The following SUN1 variants were observed in gnomAD, a reference collection of about 807,000 sequenced individuals.
SUN1 encodes the protein SUN domain-containing protein 1.
In SUN1, 61 loss-of-function variants were observed where a neutral mutation model predicts 103.2. The ratio of observed to expected loss-of-function variants is 0.59; its 90% CI spans 0.48 to 0.73. The LOEUF (loss-of-function observed/expected upper bound fraction) is 0.73, where lower values mean the gene tolerates loss of function less well. Among genes scored for constraint, SUN1 ranks in the 30% least tolerant of loss-of-function variants. SUN1 has a pLI of 0.00. For missense variants in SUN1, 1,052 were observed against 1,034.6 expected (o/e 1.02, Z -0.23); for synonymous variants, 490 against 425.7 (o/e 1.15, Z -1.86).
intron 11 of SUN1, among the ~76,000 whole-genome samples, chr7:855,937 C>T (rs893070318): frequency 1.3e-5 from 2 of 152,212 alleles, no homozygotes; most frequent in African/African-American, 4.8e-5. Flanking sequence ...GCTGTGGAGA[C>T]CTCCATGGAG....
chr7:865,842 T>A, intron 15 of SUN1, 110 bp from the exon 16 acceptor site: 1 of 820,404 alleles, frequency 1.2e-6, no homozygotes, highest in South Asian at 1.6e-5. Flanking sequence ...ATATCAGTGA[T>A]GTCGAGCACT....
At chr7:826,106 C>T (rs189091996) in intron 1 of SUN1, among the ~76,000 whole-genome samples, 184 of 152,190 alleles carry the variant, frequency 1.2e-3, no homozygotes, top group Non-Finnish European at 1.6e-3. Context: ...GGTGCCGTGA[C>T]GCGCCCCTGT....
chr7:839,531 G>GTGAGCCACTGCT (rs1806997810), intron 2 of SUN1, among the ~76,000 whole-genome samples: 7 of 118,964 alleles, frequency 5.9e-5, no homozygotes, highest in African/African-American at 1.9e-4. Flanking sequence ...GATTACAGGC[G>GTGAGCCACTGCT]CCCGCCACCA....
At chr7:859,432 A>G (rs1830426677) in intron 13 of SUN1, among the ~76,000 whole-genome samples, 1 of 152,204 alleles carries the variant, frequency 6.6e-6, no homozygotes, top group South Asian at 2.1e-4. Context: ...ATCATCCTAC[A>G]GAAATAAAGG....
intron 5 of SUN1, chr7:848,509 G>A: frequency 7.3e-7 from 1 of 1,363,738 alleles, no homozygotes; most frequent in South Asian, 1.2e-5. Flanking sequence ...TTTTTCAAGT[G>A]GTTTTAATGA....
intron 1 of SUN1, chr7:817,243 AG>A (rs1442026183): frequency 1.6e-6 from 1 of 644,066 alleles, no homozygotes; most frequent in African/African-American, 1.8e-5. Context: ...CACAGGCGTG[AG>A]CCACCGCGCC....
chr7:843,632 C>G (rs761916204), intron 5 of SUN1, 112 bp downstream of exon 5: 13 of 1,593,770 alleles, frequency 8.2e-6, no homozygotes, highest in Non-Finnish European at 1.0e-5. Flanking sequence ...AAAATTATCC[C>G]TTGAAAGCAT....
chr7:839,045 C>G, intron 2 of SUN1, 59 bp downstream of exon 2: 1 of 1,450,940 alleles, frequency 6.9e-7, no homozygotes. Flanking sequence ...AACCAAGCTT[C>G]CATACTTTTT....
chr7:816,207 C>CCTCCGCGATGCAGACCG (rs1780387236), upstream of SUN1: 1 of 271,924 alleles, frequency 3.7e-6, no homozygotes, highest in African/African-American at 2.6e-5. Context: ...GGTGCAGACC[C>CCTCCGCGATGCAGACCG]CTCCCCCAGG....
intron 2 of SUN1, among the ~76,000 whole-genome samples, chr7:839,989 A>G (rs913155509): frequency 3.3e-5 from 5 of 152,248 alleles, no homozygotes; most frequent in African/African-American, 1.2e-4. Flanking sequence ...TTCTGTGCAG[A>G]GAAGGAACAA....
At chr7:831,582 A>C (rs895428263), upstream of SUN1, among the ~76,000 whole-genome samples, 2 of 152,226 alleles carry the variant, frequency 1.3e-5, no homozygotes, top group African/African-American at 4.8e-5. Context: ...AACATGTTTT[A>C]AAATGCAGGA....
At chr7:821,156 ATCTT>A (rs1476927642) in intron 1 of SUN1, among the ~76,000 whole-genome samples, 4 of 122,120 alleles carry the variant, frequency 3.3e-5, no homozygotes, top group African/African-American at 1.3e-4. Context: ...TATTCAGCAC[ATCTT>A]TTTTTTTTTT....
rs759595914 is a variant in SUN1, at chr7:852,640, T to G, written c.883T>G (p.Leu295Val). 50 of 1,614,258 alleles carry G rather than the reference T, an allele frequency of 3.1e-5. No homozygotes were observed. In the South Asian group the frequency reaches 5.4e-4, roughly 17 times the overall value. The change falls in exon 8 of 19, where the codon TTG becomes GTG. Residue 295 changes from leucine (L) to valine (V), a missense_variant. Physicochemically the swap from Leu to Val is conservative, Grantham distance 32 (BLOSUM62 1). This residue lies in a region of SUN1 where 846 missense variants were observed against 774.5 expected (regional missense o/e 1.09). Transcript: ENST00000401592. ...CLRNICKFLVLLIPLFLLLAG... is the reference protein window; with the variant it reads ...CLRNICKFLVVLIPLFLLLAG... ...TCGAAACATCTGCAAGTTTTTAGTC[T>G]TGCTCATCCCACTCTTCCTTTTACT...
intron 12 of SUN1, 122 bp from the exon 13 acceptor site, chr7:857,706 A>T (rs1266973531): frequency 7.9e-7 from 1 of 1,258,912 alleles, no homozygotes; most frequent in East Asian, 2.6e-5. Context: ...GTGGCACAGG[A>T]TGACATCTGT....
intron 1 of SUN1, among the ~76,000 whole-genome samples, chr7:834,874 G>T (rs1370038429): frequency 6.6e-6 from 1 of 152,136 alleles, no homozygotes; most frequent in Non-Finnish European, 1.5e-5. Context: ...TAAAGAGTTC[G>T]AGAGTAGCCT....
chr7:849,981 G>C (rs765030644), intron 5 of SUN1: 22 of 1,602,086 alleles, frequency 1.4e-5, no homozygotes, highest in Non-Finnish European at 1.6e-5. Context: ...ACTCGCAGTC[G>C]CCACGGCTGC....
upstream of SUN1, among the ~76,000 whole-genome samples, chr7:831,761 G>T (rs1419166789): frequency 6.6e-6 from 1 of 152,174 alleles, no homozygotes; most frequent in South Asian, 2.1e-4. Context: ...TGTCCAGGAG[G>T]TTCTTTTAGT....
chr7:821,927 T>G (rs1203854798), intron 1 of SUN1, among the ~76,000 whole-genome samples: 1 of 152,190 alleles, frequency 6.6e-6, no homozygotes, highest in African/African-American at 2.4e-5. Flanking sequence ...GTGGGGTGGT[T>G]GTGCTTGTGT....
Position 839,049 on chromosome 7 carries a change from A to T in SUN1, c.266+63A>T. On this transcript the variant is annotated intron_variant, in intron 2 of 18. Transcript: ENST00000401592. Reference sequence around the variant, plus strand: ...ACACCAGTTAAAACCAAGCTTCCATACTTTTTGGTCTGTAAAGCCGCACCC... The same window carrying T: ...ACACCAGTTAAAACCAAGCTTCCATTCTTTTTGGTCTGTAAAGCCGCACCC... The T allele has an allele frequency of 7.6e-6, 11 of 1,443,160 alleles. No individual in the cohort carries two copies. In the South Asian group the frequency reaches 1.6e-4, roughly 21 times the overall value. 89.4% of individuals were successfully genotyped at this position (1,443,160 alleles called of 1,614,324 possible).
Sources: allele counts gnomAD v4.1 joint callset (sites outside exome capture counted in the v4.1 genomes callset), GRCh38; gene constraint gnomAD v4.1.1; regional missense constraint gnomAD v4.1.1; transcripts MANE v1.5; gene names NCBI Gene and HGNC (gene_info 2026-07-23, HGNC 2026-07-21).